ECD: variants seen among roughly 807,000 people sequenced by gnomAD.
The protein encoded by ECD is ecdysoneless cell cycle regulator.
In ECD, 59 loss-of-function variants were observed where a neutral mutation model predicts 77.2. The observed-to-expected ratio is 0.76, with a 90% CI of 0.62 to 0.95. ECD has a LOEUF of 0.95. Among genes scored for constraint, ECD ranks in the 40% least tolerant of loss-of-function variants. The probability of loss-of-function intolerance (pLI) is 0.00; values close to 1 mark genes in which losing one functional copy is unlikely to be tolerated. For missense variants in ECD, 704 were observed against 763.4 expected (o/e 0.92, Z 0.92); for synonymous variants, 233 against 267.4 (o/e 0.87, Z 1.26).
At chr10:73,164,493 GT>G (rs1359814898) in intron 1 of ECD, among the ~76,000 whole-genome samples, 5 of 151,918 alleles carry the variant, frequency 3.3e-5, no homozygotes, top group African/African-American at 7.3e-5. Flanking sequence ...TTGAGATGGA[GT>G]TTCACTCTTG....
At position 73,148,320 on chromosome 10, in the gene ECD, A is replaced by G. The variant is rs1206252542; in HGVS notation, c.997T>C (p.Trp333Arg). ...KKSLVTASPL[W>R]ASFLESLKKN... Reference sequence around the variant, plus strand: ...TTCAGACTTTCAAGGAAACTGGCCCAGAGTGGTGAGGCAGTCACAAGGGAT... The same window carrying G: ...TTCAGACTTTCAAGGAAACTGGCCCGGAGTGGTGAGGCAGTCACAAGGGAT... Residue 333 changes from tryptophan to arginine, a missense_variant, in exon 8 of 14, where the codon TGG (tryptophan) becomes CGG (arginine). Physicochemically the swap from Trp to Arg is moderately radical, Grantham distance 101 (BLOSUM62 -3). Around this residue, in one of 3 missense-constraint regions of ECD, gnomAD observed 559 missense variants for 583.7 expected, o/e 0.96. Coordinates refer to ENST00000372979, the MANE Select transcript of ECD (RefSeq NM_007265.3). The G allele has an allele frequency of 6.2e-7, 1 of 1,613,986 alleles. No homozygotes were observed. The highest frequency in any genetic ancestry group is 2.2e-5 in the East Asian group (1 of 44,858).
intron 9 of ECD, among the ~76,000 whole-genome samples, chr10:73,143,854 ATTATGT>A (rs1257562694): frequency 4.4e-5 from 4 of 91,474 alleles, no homozygotes; most frequent in African/African-American, 2.1e-4. Context: ...TTTTCACTGC[ATTATGT>A]TTTTGAAATC....
At chr10:73,159,809 A>G (rs1158297778) in intron 3 of ECD, among the ~76,000 whole-genome samples, 1 of 150,842 alleles carries the variant, frequency 6.6e-6, no homozygotes, top group African/African-American at 2.4e-5. Context: ...ATGCCTGGCT[A>G]ATTTTGTATT....
At chr10:73,140,488 C>T (rs1244447952) in intron 9 of ECD, among the ~76,000 whole-genome samples, 2 of 151,222 alleles carry the variant, frequency 1.3e-5, no homozygotes, top group African/African-American at 4.8e-5. Flanking sequence ...CAGGAGTTCA[C>T]TTGGCCAACA....
Position 73,148,287 on chromosome 10 carries a change from C to A in ECD, c.1030G>T (p.Asp344Tyr), listed in dbSNP as rs1357958927. 1.2e-6 allele frequency: 2 copies of A among 1,613,382 alleles called. No homozygotes were observed. The highest frequency in any genetic ancestry group is 3.3e-5 in the Admixed American group (2 of 59,938). Reference sequence around the variant, plus strand: ...ATTGCAAGTCCTACCTTAAAGTAATCATTCTTTTTCAGACTTTCAAGGAAA... The same window carrying A: ...ATTGCAAGTCCTACCTTAAAGTAATAATTCTTTTTCAGACTTTCAAGGAAA... ...ASFLESLKKN[D>Y]YFKGLIEGSA... The change falls in exon 8 of 14, where the codon GAT (aspartate) becomes TAT (tyrosine). Residue 344 changes from aspartate to tyrosine, a missense_variant. Asp to Tyr is a radical substitution (Grantham distance 160). Transcript: ENST00000372979.
intron 2 of ECD, 110 bp downstream of exon 2, chr10:73,163,623 T>C (rs1843409061): frequency 9.9e-7 from 1 of 1,012,256 alleles, no homozygotes; most frequent in Non-Finnish European, 1.4e-6. Context: ...AAAAGTTTAG[T>C]GTATTAATCT....
Position 73,154,352 on chromosome 10 carries a change from A to G in ECD, c.687T>C (p.Ala229=), listed in dbSNP as rs147624232. The change falls in exon 6 of 14, where the codon GCT becomes GCC. Residue 229 remains alanine, a synonymous_variant. Transcript: ENST00000372979. ...GTAGGTAAAATGCCTGGACTGCTGC[A>G]GCCACCAATCTGGGGCGCTGCTTTA... The part of the protein sequence containing the change: ...AVLKQRPRLV[A]AAVQAFYLRD... 1 of 1,614,192 alleles carries G rather than the reference A, an allele frequency of 6.2e-7. No homozygotes were observed. The highest frequency in any genetic ancestry group is 1.3e-5 in the African/African-American group (1 of 75,048).
chr10:73,149,297 G>A (rs919542002), intron 7 of ECD, among the ~76,000 whole-genome samples: 2 of 151,992 alleles, frequency 1.3e-5, no homozygotes, highest in Admixed American at 1.3e-4. Context: ...TTTAAATGTT[G>A]ATGAATACAG....
intron 5 of ECD, among the ~76,000 whole-genome samples, chr10:73,154,795 G>A (rs890013937): frequency 1.6e-4 from 24 of 151,784 alleles, no homozygotes; most frequent in Admixed American, 1.1e-3. Context: ...TTAGCTGGGC[G>A]TGGTGGCATA....
chr10:73,151,045 T>C (rs1027448964), intron 7 of ECD, among the ~76,000 whole-genome samples: 1 of 152,206 alleles, frequency 6.6e-6, no homozygotes, highest in Non-Finnish European at 1.5e-5. Flanking sequence ...CAAAGGATTA[T>C]AAATCATGCT....
At chr10:73,157,615 G>A (rs955192089) in intron 3 of ECD, among the ~76,000 whole-genome samples, 4 of 151,296 alleles carry the variant, frequency 2.6e-5, no homozygotes, top group Non-Finnish European at 5.9e-5. Flanking sequence ...CCAGCTACTC[G>A]GGAGGCTGAG....
Position 73,156,623 on chromosome 10 carries a change from A to G in ECD, c.356T>C (p.Ile119Thr). Residue 119 changes from isoleucine to threonine, a missense_variant, in exon 4 of 14, where the codon ATA becomes ACA. Coordinates refer to ENST00000372979, the MANE Select transcript of ECD (RefSeq NM_007265.3). ...IEDNDGEFLL[I>T]EAADFLPKWL... ...TTTAGGGAGAAAGTCAGCAGCTTCT[A>G]TTAACAAGAATTCACCATCATTGTC... is the stretch of plus-strand genomic sequence containing the variant. 6.2e-7 allele frequency: 1 copy of G among 1,613,884 alleles called. No homozygotes were observed.
At chr10:73,135,727 A>AAAT (rs373748537) in intron 13 of ECD, among the ~76,000 whole-genome samples, 3,760 of 151,208 alleles carry the variant, frequency 0.025, 143 homozygotes, top group African/African-American at 0.08. Context: ...ATCTCAAATA[A>AAAT]AATAATAATA....
At chr10:73,159,289 G>A (rs958959635) in intron 3 of ECD, among the ~76,000 whole-genome samples, 9 of 152,202 alleles carry the variant, frequency 5.9e-5, no homozygotes, top group Admixed American at 2.0e-4. Context: ...CATTTTTAAC[G>A]TAATGTTACC....
intron 1 of ECD, among the ~76,000 whole-genome samples, chr10:73,164,359 A>T (rs1388333963): frequency 6.6e-6 from 1 of 151,850 alleles, no homozygotes; most frequent in East Asian, 1.9e-4. Flanking sequence ...CTAAAAAAAA[A>T]AATAAATAAA....
rs867922732 is a variant in ECD at position 73,134,771 on chromosome 10, C to A, written c.1747G>T (p.Asp583Tyr). 4 of 1,614,216 alleles carry A rather than the reference C, an allele frequency of 2.5e-6. 1 individual carries two copies. In the Middle Eastern group the frequency reaches 4.9e-4, roughly 200 times the overall value. The change falls in exon 14 of 14, where the codon GAT (aspartate) becomes TAT (tyrosine). Residue 583 changes from aspartate (D) to tyrosine (Y), a missense_variant. Physicochemically the swap from Asp to Tyr is radical, Grantham distance 160. This residue lies in a region of ECD where 142 missense variants were observed against 163.6 expected (regional missense o/e 0.87). Coordinates refer to ENST00000372979, the MANE Select transcript of ECD (RefSeq NM_007265.3). Reference sequence around the variant, plus strand: ...ATAACAGATTCTCCCGTACCAGAATCTTCCTCATCTGAATTGTTATCGGTA... The same window carrying A: ...ATAACAGATTCTCCCGTACCAGAATATTCCTCATCTGAATTGTTATCGGTA... ...QTTDNNSDEEDSGTGESVMAP... is the reference protein window; with the variant it reads ...QTTDNNSDEEYSGTGESVMAP...
At chr10:73,166,568 T>C (rs1843468748) in intron 1 of ECD, among the ~76,000 whole-genome samples, 1 of 152,254 alleles carries the variant, frequency 6.6e-6, no homozygotes. Context: ...TAATCAATGA[T>C]ATTGAGCACC....
chr10:73,149,742 G>A (rs1309392761), intron 7 of ECD, among the ~76,000 whole-genome samples: 3 of 152,118 alleles, frequency 2.0e-5, no homozygotes, highest in African/African-American at 4.8e-5. Context: ...TTACCCCACT[G>A]TAAGTCAAGG....
chr10:73,164,016 A>C, intron 1 of ECD, 66 bp from the exon 2 acceptor site: 1 of 1,404,810 alleles, frequency 7.1e-7, no homozygotes, highest in Non-Finnish European at 9.9e-7. Context: ...GAACTCTTTT[A>C]GATGGTTCTA....
Sources: allele counts gnomAD v4.1 joint callset (sites outside exome capture counted in the v4.1 genomes callset), GRCh38; gene constraint gnomAD v4.1.1; regional missense constraint gnomAD v4.1.1; transcripts MANE v1.5; gene names NCBI Gene and HGNC (gene_info 2026-07-23, HGNC 2026-07-21).